HERC4: variants seen among roughly 807,000 people sequenced by gnomAD.
The protein encoded by HERC4 is HECT and RLD domain containing E3 ubiquitin protein ligase 4, also known as probable E3 ubiquitin-protein ligase HERC4.
Under a neutral mutation model 124.3 loss-of-function variants are expected in HERC4, and 28 were observed. That is an observed-to-expected ratio of 0.23 (90% CI 0.17 to 0.31). The LOEUF (loss-of-function observed/expected upper bound fraction) is 0.31, where lower values mean the gene tolerates loss of function less well. Ranked by LOEUF, HERC4 falls within the 10% of genes least tolerant of loss-of-function variation. The pLI, the probability that HERC4 is intolerant of heterozygous loss-of-function variation, is 1.00. For synonymous variants in HERC4, 407 were observed against 421.5 expected (o/e 0.97, Z 0.42); for missense variants, 713 against 1,229.3 (o/e 0.58, Z 6.28).
chr10:68,071,930 T>C (rs1252873024), intron 3 of HERC4, among the ~76,000 whole-genome samples: 2 of 152,206 alleles, frequency 1.3e-5, no homozygotes, highest in Non-Finnish European at 2.9e-5. Flanking sequence ...ATGTGAAGGA[T>C]GAATCGTGCC....
Position 67,922,914 on chromosome 10 carries a change from T to C in HERC4, c.*17A>G, listed in dbSNP as rs752020911. 2.0e-5 allele frequency: 31 copies of C among 1,537,434 alleles called. No homozygotes were observed. The Admixed American group carries it at 2.0e-4, about 10-fold the overall frequency. ...TTTAATGCTTTTGCACTAAACTGAA[T>C]AGTTATAACTCCAAAGTTATATTAA... is the stretch of plus-strand genomic sequence containing the variant. On this transcript the variant is annotated 3_prime_UTR_variant, in exon 25 of 25. Coordinates refer to ENST00000373700, the MANE Select transcript of HERC4 (RefSeq NM_015601.4).
intron 19 of HERC4, among the ~76,000 whole-genome samples, chr10:67,944,755 G>C (rs1293724119): frequency 6.6e-6 from 1 of 152,126 alleles, no homozygotes; most frequent in Admixed American, 6.6e-5. Context: ...ATTTAACAGA[G>C]TAAAATAAAA....
At chr10:67,941,429 C>A (rs1365972637) in intron 19 of HERC4, among the ~76,000 whole-genome samples, 1 of 151,936 alleles carries the variant, frequency 6.6e-6, no homozygotes, top group African/African-American at 2.4e-5. Context: ...ATTACTATAA[C>A]TTTTTTTCTG....
chr10:68,050,818 A>G (rs2040256974), intron 3 of HERC4, among the ~76,000 whole-genome samples: 1 of 152,160 alleles, frequency 6.6e-6, no homozygotes, highest in Admixed American at 6.5e-5. Context: ...AGATGGCCTA[A>G]AAAGGGAGAT....
chr10:67,922,115 C>A lies in HERC4; in HGVS notation c.*816G>T, dbSNP rs2030271301. ...TCAAGGAAATAGCTCTAAAGCACTG[C>A]AGCATCAATAATTTTGAAAGCTATA... is the stretch of plus-strand genomic sequence containing the variant. On this transcript the variant is annotated 3_prime_UTR_variant, in exon 25 of 25. Coordinates refer to ENST00000373700, the MANE Select transcript of HERC4 (RefSeq NM_015601.4). 1 of 152,136 alleles carries A rather than the reference C, an allele frequency of 6.6e-6. No individual in the cohort carries two copies. The highest frequency in any genetic ancestry group is 1.5e-5 in the Non-Finnish European group (1 of 68,014). The allele number at this position is 152,136 out of a possible 1,614,324, so 9.4% of individuals were successfully genotyped here.
At chr10:67,960,910 C>T in intron 16 of HERC4, 1 of 302,488 alleles carries the variant, frequency 3.3e-6, no homozygotes, top group South Asian at 3.3e-5. Context: ...TTTATCTTTT[C>T]CAATGTTTAT....
chr10:68,050,294 T>C (rs924483168), intron 3 of HERC4, among the ~76,000 whole-genome samples: 5 of 152,242 alleles, frequency 3.3e-5, no homozygotes, highest in African/African-American at 1.2e-4. Flanking sequence ...TCAATGTGTA[T>C]TTAAATTGCT....
intron 3 of HERC4, chr10:68,069,781 G>A (rs1433877588): frequency 5.1e-6 from 5 of 983,180 alleles, no homozygotes; most frequent in East Asian, 1.1e-4. Context: ...GGTGGCTCAC[G>A]CCTGTAATCC....
intron 15 of HERC4, among the ~76,000 whole-genome samples, chr10:67,986,125 C>T (rs1284686269): frequency 1.3e-5 from 2 of 152,166 alleles, no homozygotes; most frequent in African/African-American, 2.4e-5. Flanking sequence ...AAAGTTTCCT[C>T]TAAGGCATAG....
intron 9 of HERC4, among the ~76,000 whole-genome samples, chr10:68,012,997 A>G (rs1287465773): frequency 6.6e-6 from 1 of 152,196 alleles, no homozygotes; most frequent in Non-Finnish European, 1.5e-5. Flanking sequence ...ACATCCATAT[A>G]ATAAGAACAC....
chr10:67,928,422 C>T (rs144150037), intron 23 of HERC4, among the ~76,000 whole-genome samples: 1,560 of 152,286 alleles, frequency 0.01, 7 homozygotes, highest in Middle Eastern at 0.024. Flanking sequence ...AGCTGTGTAG[C>T]ATCCTCAGTG....
chr10:67,992,807 G>A (rs1264373806), intron 9 of HERC4, 125 bp from the exon 10 acceptor site: 1 of 593,700 alleles, frequency 1.7e-6, no homozygotes, highest in Non-Finnish European at 3.0e-6. Context: ...GGACTTCATG[G>A]TATAAAGTGA....
intron 16 of HERC4, 63 bp downstream of exon 16, chr10:67,966,620 G>T (rs769890370): frequency 6.7e-7 from 1 of 1,490,686 alleles, no homozygotes; most frequent in South Asian, 1.3e-5. Context: ...CCAAGCAATT[G>T]TTTCTTTTTT....
chr10:67,974,329 TAAGAG>T (rs1315306532), intron 15 of HERC4, among the ~76,000 whole-genome samples: 1 of 152,140 alleles, frequency 6.6e-6, no homozygotes, highest in Admixed American at 6.5e-5. Context: ...ATGTTGCACT[TAAGAG>T]AAGAAAAACC....
chr10:68,019,684 A>G (rs2038491184), intron 8 of HERC4, among the ~76,000 whole-genome samples: 1 of 152,142 alleles, frequency 6.6e-6, no homozygotes, highest in Non-Finnish European at 1.5e-5. Context: ...ATTCTGGTTA[A>G]TTTCAACTTC....
chr10:67,997,501 T>C (rs2036960211), intron 9 of HERC4, among the ~76,000 whole-genome samples: 1 of 152,340 alleles, frequency 6.6e-6, no homozygotes, highest in African/African-American at 2.4e-5. Context: ...TATATCTTAA[T>C]GAAGTATCCA....
chr10:68,019,290 C>T lies in HERC4; in HGVS notation c.909-5104G>A, dbSNP rs2038463553. Among the ~76,000 whole-genome samples the T allele has an allele frequency of 2.0e-5, 3 of 152,196 alleles. 1 individual carries two copies. In the South Asian group the frequency reaches 6.2e-4, roughly 32 times the overall value. Reference sequence around the variant, plus strand: ...AGATTACAGGCGTGAGCCACTGCGCCCGGTCCAGCCAAAGCATTCTTAAAG... The same window carrying T: ...AGATTACAGGCGTGAGCCACTGCGCTCGGTCCAGCCAAAGCATTCTTAAAG... On this transcript the variant is annotated intron_variant, in intron 8 of 24. Transcript: ENST00000373700.
rs559764440 is a variant in HERC4 at position 67,966,857 on chromosome 10, A to AT, written c.1807-56dup. On this transcript the variant is annotated intron_variant, in intron 15 of 24. Coordinates refer to ENST00000373700, the MANE Select transcript of HERC4 (RefSeq NM_015601.4). ...TTTAACCAGTACTCAAGACAGACAA[A>AT]TTTTTTTTATTTTTTGAGACGGAGT... 8.4e-3 allele frequency: 11,368 copies of AT among 1,354,876 alleles called. 72 individuals are homozygous for AT. The highest frequency in any genetic ancestry group is 9.5e-3 in the Non-Finnish European group (9,741 of 1,023,878). 83.9% of individuals were successfully genotyped at this position (1,354,876 alleles called of 1,614,324 possible).
At chr10:67,964,075 T>C (rs1017645835) in intron 16 of HERC4, among the ~76,000 whole-genome samples, 15 of 148,908 alleles carry the variant, frequency 1.0e-4, no homozygotes, top group Non-Finnish European at 1.9e-4. Flanking sequence ...TATCCCTTGA[T>C]TCCAGCTACC....
Sources: gnomAD v4.1 joint callset for allele counts (sites outside exome capture counted in the v4.1 genomes callset) on GRCh38, gnomAD v4.1.1 for gene constraint, MANE v1.5 for transcripts, NCBI Gene and HGNC (gene_info 2026-07-23, HGNC 2026-07-21) for gene names.